The following SLC29A3 variants were observed in gnomAD, a reference collection of about 807,000 sequenced individuals.
SLC29A3 encodes solute carrier family 29 member 3, also known as equilibrative nucleoside transporter 3.
In SLC29A3, 18 loss-of-function variants were observed where a neutral mutation model predicts 25.4. The ratio of observed to expected loss-of-function variants is 0.71; its 90% CI spans 0.49 to 1.05. The LOEUF (loss-of-function observed/expected upper bound fraction) is 1.05. SLC29A3 is among the 50% of genes least tolerant of loss of function. The pLI is 0.00. For synonymous variants in SLC29A3, 258 were observed against 267.1 expected (o/e 0.97, Z 0.33); for missense variants, 586 against 609.0 (o/e 0.96, Z 0.40).
intron 3 of SLC29A3, among the ~76,000 whole-genome samples, chr10:71,371,292 C>G (rs1847209475): frequency 6.6e-6 from 1 of 152,218 alleles, no homozygotes; most frequent in Non-Finnish European, 1.5e-5. Flanking sequence ...TCCATCACTA[C>G]TGCACTAGCC....
At chr10:71,326,694 T>C (rs1845980071) in intron 2 of SLC29A3, among the ~76,000 whole-genome samples, 1 of 152,218 alleles carries the variant, frequency 6.6e-6, no homozygotes, top group Non-Finnish European at 1.5e-5. Flanking sequence ...CCTCGCCTCG[T>C]GTACTGCTTT....
Position 71,363,360 on chromosome 10 carries a change from G to A in SLC29A3, c.*752G>A, listed in dbSNP as rs896791098. 2 of 454,090 alleles carry A rather than the reference G, an allele frequency of 4.4e-6. No individual in the cohort carries two copies. Among genetic ancestry groups the A allele is most frequent in the Non-Finnish European group, 8.8e-6 (2 of 226,796 alleles). The allele number at this position is 454,090 out of a possible 1,614,324, so 28.1% of individuals were successfully genotyped here. ...AACATGTCAAAGCCATTGGTTCAAG[G>A]GCGTAATAAATACTTGCGTATTCAA... On this transcript the variant is annotated 3_prime_UTR_variant, in exon 6 of 6. Coordinates refer to ENST00000373189, the MANE Select transcript of SLC29A3 (RefSeq NM_018344.6).
chr10:71,359,324 A>G (rs1302968034), intron 5 of SLC29A3, among the ~76,000 whole-genome samples: 1 of 152,134 alleles, frequency 6.6e-6, no homozygotes, highest in Non-Finnish European at 1.5e-5. Flanking sequence ...GTCTGCTTGG[A>G]CTAAATCTTC....
chr10:71,362,133 T>A lies in SLC29A3; in HGVS notation c.953T>A (p.Ile318Asn). ...LGFCVTYVFF[I>N]TSLIYPAICT... ...TTCTGTGTCACCTACGTCTTCTTCA[T>A]CACCAGCCTCATCTACCCCGCCATC... The change falls in exon 6 of 6, where the codon ATC becomes AAC. Residue 318 changes from isoleucine to asparagine, a missense_variant. By Grantham distance (149) the Ile-to-Asn change is moderately radical. Coordinates refer to ENST00000373189, the MANE Select transcript of SLC29A3 (RefSeq NM_018344.6). 2.5e-6 allele frequency: 4 copies of A among 1,614,062 alleles called. No homozygotes were observed. The highest frequency in any genetic ancestry group is 3.4e-6 in the Non-Finnish European group (4 of 1,179,984).
At chr10:71,341,094 C>G (rs1160847913) in intron 2 of SLC29A3, among the ~76,000 whole-genome samples, 2 of 152,136 alleles carry the variant, frequency 1.3e-5, no homozygotes, top group African/African-American at 4.8e-5. Context: ...CCAGCTCCTG[C>G]CTCTCATTGG....
chr10:71,324,807 G>C (rs973956092), intron 2 of SLC29A3, among the ~76,000 whole-genome samples: 8 of 152,094 alleles, frequency 5.3e-5, no homozygotes, highest in Admixed American at 5.2e-4. Flanking sequence ...TCTCAAAGGT[G>C]GGGGGATGCT....
intron 3 of SLC29A3, among the ~76,000 whole-genome samples, chr10:71,370,741 T>G (rs2131858103): frequency 6.6e-6 from 1 of 152,126 alleles, no homozygotes; most frequent in Non-Finnish European, 1.5e-5. Context: ...CAAAACAAAA[T>G]ATTGGTGAGA....
downstream of SLC29A3, among the ~76,000 whole-genome samples, chr10:71,363,813 C>CT (rs557109219): frequency 0.041 from 4,895 of 118,158 alleles, 451 homozygotes; most frequent in African/African-American, 0.14. Context: ...TTTTTCTTTT[C>CT]TTTTTTTTTT....
At chr10:71,377,800 C>T (rs1797736925) in intron 4 of SLC29A3, among the ~76,000 whole-genome samples, 1 of 152,124 alleles carries the variant, frequency 6.6e-6, no homozygotes, top group Non-Finnish European at 1.5e-5. Context: ...TGAGCACTTA[C>T]TGTCGGCCTG....
intron 3 of SLC29A3, among the ~76,000 whole-genome samples, chr10:71,345,143 T>C (rs1172084270): frequency 6.6e-6 from 1 of 152,226 alleles, no homozygotes; most frequent in Non-Finnish European, 1.5e-5. Context: ...GTCTTTTACA[T>C]GCTGAGCCTG....
At position 71,356,209 on chromosome 10, in the gene SLC29A3, C is replaced by A. The variant is rs1207899993; in HGVS notation, c.739C>A (p.Leu247Ile). ...TGTCTTCCTCGTGCTCTGCATGGGA[C>A]TCTACCTGCTGCTGTCCAGGCTGGA... ...ATVFLVLCMG[L>I]YLLLSRLEYA... The change falls in exon 5 of 6, where the codon CTC becomes ATC. Residue 247 changes from leucine (L) to isoleucine (I), a missense_variant. Transcript: ENST00000373189. 1 of 1,614,088 alleles carries A rather than the reference C, an allele frequency of 6.2e-7. No homozygotes were observed. The highest frequency in any genetic ancestry group is 8.5e-7 in the Non-Finnish European group (1 of 1,180,014).
At position 71,356,024 on chromosome 10, in the gene SLC29A3, C is replaced by A; in HGVS notation, c.611-57C>A. 4 of 1,591,606 alleles carry A rather than the reference C, an allele frequency of 2.5e-6. No individual in the cohort carries two copies. The South Asian group carries it at 3.3e-5, about 13-fold the overall frequency. ...TGAAACCCAAGCAGGGAGGGGCCCG[C>A]AGCCACTCCTCCTCGCCCACCCCTC... On this transcript the variant is annotated intron_variant, in intron 4 of 5. Transcript: ENST00000373189.
chr10:71,376,893 A>AGCCTCT (rs975703782), intron 4 of SLC29A3, among the ~76,000 whole-genome samples: 27 of 152,208 alleles, frequency 1.8e-4, no homozygotes, highest in African/African-American at 6.3e-4. Context: ...CCTCTGCCTC[A>AGCCTCT]GCCTCCCGAG....
intron 2 of SLC29A3, among the ~76,000 whole-genome samples, chr10:71,342,555 G>A (rs1846438131): frequency 6.6e-6 from 1 of 152,226 alleles, no homozygotes; most frequent in Non-Finnish European, 1.5e-5. Flanking sequence ...AAAATCATCA[G>A]AGATTCTGCA....
intron 5 of SLC29A3, among the ~76,000 whole-genome samples, chr10:71,356,563 A>G (rs1564540573): frequency 6.6e-6 from 1 of 152,228 alleles, no homozygotes; most frequent in Non-Finnish European, 1.5e-5. Context: ...ACCGTGGAGC[A>G]CACCTGTAAT....
intron 2 of SLC29A3, among the ~76,000 whole-genome samples, chr10:71,334,363 C>T (rs1449464033): frequency 1.3e-5 from 2 of 152,224 alleles, no homozygotes; most frequent in Non-Finnish European, 2.9e-5. Flanking sequence ...CAGATTTGGC[C>T]CGGGGGTAAC....
At chr10:71,338,436 G>A (rs914393683) in intron 2 of SLC29A3, among the ~76,000 whole-genome samples, 2 of 152,128 alleles carry the variant, frequency 1.3e-5, no homozygotes, top group African/African-American at 4.8e-5. Flanking sequence ...CTTTACTCTT[G>A]TCTACCACTG....
chr10:71,371,202 C>T (rs1401790096), intron 3 of SLC29A3, among the ~76,000 whole-genome samples: 1 of 152,184 alleles, frequency 6.6e-6, no homozygotes, highest in African/African-American at 2.4e-5. Flanking sequence ...AAAGCCCCCA[C>T]GTTCCTAGCC....
chr10:71,346,943 A>G (rs1449333045), intron 3 of SLC29A3, among the ~76,000 whole-genome samples: 1 of 152,072 alleles, frequency 6.6e-6, no homozygotes, highest in Non-Finnish European at 1.5e-5. Flanking sequence ...ACCCTCTGAG[A>G]TTGGGTCCCG....
Sources: allele counts gnomAD v4.1 joint callset (sites outside exome capture counted in the v4.1 genomes callset), GRCh38; gene constraint gnomAD v4.1.1; transcripts MANE v1.5; gene names NCBI Gene and HGNC (gene_info 2026-07-23, HGNC 2026-07-21).